The following CCNH variants were observed in gnomAD, a reference collection of about 807,000 sequenced individuals.
CCNH encodes the protein cyclin-H.
Under a neutral mutation model 41.9 loss-of-function variants are expected in CCNH, and 31 were observed. The observed-to-expected ratio is 0.74, with a 90% confidence interval of 0.56 to 1.00. The LOEUF (loss-of-function observed/expected upper bound fraction) is 1.00, where lower values mean the gene tolerates loss of function less well. CCNH is among the 50% of genes least tolerant of loss of function. CCNH has a pLI of 0.00. For missense variants in CCNH, 362 were observed against 388.4 expected (o/e 0.93, Z 0.57); for synonymous variants, 138 against 136.1 (o/e 1.01, Z -0.10).
At chr5:87,403,643 G>A (rs573994926) in intron 5 of CCNH, among the ~76,000 whole-genome samples, 2 of 152,240 alleles carry the variant, frequency 1.3e-5, no homozygotes, top group South Asian at 4.1e-4. Context: ...TAGCCAAGGT[G>A]TGGCGGTGTG....
At chr5:87,379,775 C>T (rs184201084), upstream of CCNH, 1 of 1,612,566 alleles carries the variant, frequency 6.2e-7, no homozygotes, top group African/African-American at 1.3e-5. Context: ...GATGTGAACA[C>T]TAATTTAACA....
At chr5:87,373,973 A>C (rs1580379736), downstream of CCNH, among the ~76,000 whole-genome samples, 1 of 151,746 alleles carries the variant, frequency 6.6e-6, no homozygotes, top group East Asian at 1.9e-4. Flanking sequence ...GGTGGGAAGA[A>C]TTATTTTAAA....
intron 9 of CCNH, chr5:87,346,760 T>C: frequency 7.0e-7 from 1 of 1,430,196 alleles, no homozygotes; most frequent in East Asian, 2.3e-5. Flanking sequence ...TAATGTCTAT[T>C]TAAAGAGAAT....
At chr5:87,370,661 TAAA>T (rs932616005) in intron 9 of CCNH, among the ~76,000 whole-genome samples, 2 of 152,134 alleles carry the variant, frequency 1.3e-5, no homozygotes, top group Non-Finnish European at 2.9e-5. Flanking sequence ...CACTGTCTCT[TAAA>T]AAATTTTTTT....
rs3838242 is a variant in CCNH, at chr5:87,349,719, GA to G, written c.*91-30823del. Among the ~76,000 whole-genome samples, 405 of 150,924 alleles carry G rather than the reference GA, an allele frequency of 2.7e-3. 5 individuals are homozygous for G. Among genetic ancestry groups the G allele is most frequent in the East Asian group, 8.4e-3 (43 of 5,148 alleles). On this transcript the variant is annotated intron_variant and NMD_transcript_variant, in intron 9 of 9. Transcript: ENST00000645953. The stretch of plus-strand genomic sequence containing the variant: ...TTTTATCAGTGAGATACTTTAGTAG[GA>G]AAAAAAAAGTTTCTAAAGATACCTG...
intron 9 of CCNH, among the ~76,000 whole-genome samples, chr5:87,383,533 C>T (rs879662466): frequency 6.6e-6 from 1 of 151,970 alleles, no homozygotes; most frequent in Non-Finnish European, 1.5e-5. Flanking sequence ...TCTTAAAATA[C>T]GATGCTTTGG....
upstream of CCNH, chr5:87,377,229 T>C (rs1327154191): frequency 1.4e-6 from 1 of 715,566 alleles, no homozygotes; most frequent in Non-Finnish European, 2.3e-6. Flanking sequence ...GGGAAGCTGA[T>C]ATTTCTAATG....
downstream of CCNH, chr5:87,390,752 T>A: frequency 6.6e-7 from 1 of 1,506,234 alleles, no homozygotes; most frequent in Non-Finnish European, 9.2e-7. Flanking sequence ...ATCCTGAAAT[T>A]GCTGACCGAG....
chr5:87,354,648 A>G (rs1221837330), intron 9 of CCNH, among the ~76,000 whole-genome samples: 1 of 152,152 alleles, frequency 6.6e-6, no homozygotes, highest in Non-Finnish European at 1.5e-5. Context: ...GGTCAAGTGA[A>G]AGGAAAAGTC....
Position 87,383,711 on chromosome 5 carries a change from A to T in CCNH, c.*90+9059T>A. 6.3e-7 allele frequency: 1 copy of T among 1,599,390 alleles called. No homozygotes were observed. The highest frequency in any genetic ancestry group is 8.5e-7 in the Non-Finnish European group (1 of 1,173,414). On this transcript the variant is annotated intron_variant and NMD_transcript_variant, in intron 9 of 9. Transcript: ENST00000645953. ...AAAAAAAAAAATTTCCCTCCCATTC[A>T]GTGGTTTTGTTTTTCTTCGACTCAT...
chr5:87,341,243 A>G, intron 9 of CCNH: 1 of 1,098,702 alleles, frequency 9.1e-7, no homozygotes, highest in Non-Finnish European at 1.2e-6. Flanking sequence ...ATAAAAATTG[A>G]TTAATAGTTA....
chr5:87,312,471 T>C, the CCNH span, among the ~76,000 whole-genome samples: 1 of 152,216 alleles, frequency 6.6e-6, no homozygotes, highest in East Asian at 1.9e-4. Flanking sequence ...TTTAAGATTT[T>C]CTGAGTTCTA....
At chr5:87,376,680 C>T in exon 1 of CCNH, 1 of 1,345,378 alleles carries the variant, frequency 7.4e-7, no homozygotes, top group Non-Finnish European at 1.0e-6. Flanking sequence ...CACAATGATG[C>T]CAGAGATTTT....
intron 9 of CCNH, among the ~76,000 whole-genome samples, chr5:87,343,561 A>G (rs1267756128): frequency 6.6e-6 from 1 of 152,204 alleles, no homozygotes; most frequent in Non-Finnish European, 1.5e-5. Flanking sequence ...TCCAAAAGAT[A>G]GGCTATAATG....
intron 8 of CCNH, 112 bp from the exon 9 acceptor site, chr5:87,394,596 A>AAAGAT (rs1762772056): frequency 2.6e-6 from 4 of 1,539,968 alleles, no homozygotes; most frequent in Non-Finnish European, 3.5e-6. Context: ...GTGGATTACA[A>AAAGAT]AAGATAAACC....
chr5:87,377,140 A>G (rs1291132311), exon 1 of CCNH: 30 of 1,411,318 alleles, frequency 2.1e-5, no homozygotes, highest in Non-Finnish European at 3.0e-5. Flanking sequence ...TTGTTAAATT[A>G]TATTGCAAAA....
chr5:87,365,243 A>T (rs1173958369), intron 9 of CCNH, among the ~76,000 whole-genome samples: 1 of 152,158 alleles, frequency 6.6e-6, no homozygotes, highest in Non-Finnish European at 1.5e-5. Flanking sequence ...ATATTTAACA[A>T]ATGTTTTATA....
chr5:87,376,631 G>C, exon 1 of CCNH: 1 of 1,543,380 alleles, frequency 6.5e-7, no homozygotes, highest in Non-Finnish European at 8.9e-7. Context: ...TTTAATAAAA[G>C]ATCCATTAAG....
chr5:87,322,553 C>G (rs1468173339), intron 9 of CCNH, among the ~76,000 whole-genome samples: 1 of 152,122 alleles, frequency 6.6e-6, no homozygotes, highest in Non-Finnish European at 1.5e-5. Context: ...CCTTCTCTTG[C>G]TCTCTCTGGT....
Sources: allele counts gnomAD v4.1 joint callset (sites outside exome capture counted in the v4.1 genomes callset), GRCh38; gene constraint gnomAD v4.1.1; transcripts MANE v1.5; gene names NCBI Gene and HGNC (gene_info 2026-07-23, HGNC 2026-07-21).